Variants in GP2 observed in about 807,000 individuals in gnomAD.
GP2 encodes pancreatic secretory granule membrane major glycoprotein GP2.
Under a neutral mutation model 60.8 loss-of-function variants are expected in GP2, and 58 were observed. That is an observed-to-expected ratio of 0.95 (90% CI 0.77 to 1.19). The LOEUF (loss-of-function observed/expected upper bound fraction) is 1.19, where lower values mean the gene tolerates loss of function less well. Ranked by LOEUF, GP2 falls within the 50% of genes most tolerant of loss-of-function variation. The pLI, the probability that GP2 is intolerant of heterozygous loss-of-function variation, is 0.00. For synonymous variants in GP2, 280 were observed against 253.4 expected (o/e 1.10, Z -1.00); for missense variants, 647 against 667.4 (o/e 0.97, Z 0.34).
Position 20,322,983 on chromosome 16 carries a change from G to A in GP2, c.536-4C>T. The stretch of plus-strand genomic sequence containing the variant: ...TTGTCCTCCACAGTGGATGGGTCTA[G>A]GTGATGGGGCATGGAGAGAGAAGAT... On this transcript the variant is annotated splice_polypyrimidine_tract_variant and splice_region_variant and intron_variant, in intron 3 of 10. Coordinates refer to ENST00000302555, the MANE Select transcript of GP2 (RefSeq NM_001502.4). 1 of 1,538,368 alleles carries A rather than the reference G, an allele frequency of 6.5e-7. No homozygotes were observed. The highest frequency in any genetic ancestry group is 9.0e-7 in the Non-Finnish European group (1 of 1,111,384).
intron 4 of GP2, 59 bp downstream of exon 4, chr16:20,322,810 T>C: frequency 1.1e-6 from 1 of 918,096 alleles, no homozygotes; most frequent in East Asian, 2.4e-5. Context: ...CCTCTAAAGC[T>C]CCCTCCCTCC....
chr16:20,311,380 GGCAAA>G (rs1419537767), intron 10 of GP2, 99 bp from the exon 11 acceptor site: 1 of 764,614 alleles, frequency 1.3e-6, no homozygotes, highest in Non-Finnish European at 2.4e-6. Context: ...GGATGAGAAA[GGCAAA>G]GCATCTTTGA....
At chr16:20,324,520 C>A (rs987798392) in intron 2 of GP2, among the ~76,000 whole-genome samples, 1 of 152,196 alleles carries the variant, frequency 6.6e-6, no homozygotes, top group Non-Finnish European at 1.5e-5. Context: ...AAAGTTCTTT[C>A]CTGTGCATCA....
rs375050930 is a variant in GP2, at chr16:20,314,575, G to T, written c.1546+82C>A. 6.7e-5 allele frequency: 63 copies of T among 940,428 alleles called. No individual in the cohort carries two copies. The African/African-American group carries it at 8.7e-4, about 13-fold the overall frequency. The allele number at this position is 940,428 out of a possible 1,614,324, so 58.3% of individuals were successfully genotyped here. A position where few individuals can be genotyped will look rare whatever the true frequency, so the allele number is the denominator to read the frequency against. On this transcript the variant is annotated intron_variant, in intron 10 of 10. Transcript: ENST00000302555. The stretch of plus-strand genomic sequence containing the variant: ...TTAATGTCAGTGTCCCTAGCATAGG[G>T]TCTGGGCCATAAAAGGGGCAGAATT...
chr16:20,321,851 G>A (rs1441397265), intron 4 of GP2, among the ~76,000 whole-genome samples: 1 of 152,160 alleles, frequency 6.6e-6, no homozygotes, highest in Admixed American at 6.5e-5. Flanking sequence ...GAAGACTTGA[G>A]GCAGGCCACC....
intron 8 of GP2, 130 bp from the exon 9 acceptor site, chr16:20,316,170 G>A (rs1046222772): frequency 1.2e-5 from 7 of 579,414 alleles, no homozygotes; most frequent in Admixed American, 6.0e-5. Flanking sequence ...CCCTAATTCC[G>A]ATGCTGTGGT....
At chr16:20,324,304 C>G (rs777986110) in intron 2 of GP2, 48 bp from the exon 3 acceptor site, 2 of 1,293,388 alleles carry the variant, frequency 1.5e-6, no homozygotes, top group Admixed American at 2.0e-5. Context: ...AATGCCAGAA[C>G]CTACAGGATT....
At chr16:20,319,584 G>A in intron 6 of GP2, 36 bp downstream of exon 6, 1 of 1,530,390 alleles carries the variant, frequency 6.5e-7, no homozygotes, top group Non-Finnish European at 9.1e-7. Context: ...ACTATTGCCA[G>A]GGTTATGGGT....
chr16:20,316,765 C>T (rs1320718083), intron 8 of GP2, among the ~76,000 whole-genome samples: 2 of 151,492 alleles, frequency 1.3e-5, no homozygotes, highest in South Asian at 2.1e-4. Context: ...ATTTATTGTT[C>T]GTTTTTCCCT....
At chr16:20,322,549 G>C (rs1442521852) in intron 4 of GP2, among the ~76,000 whole-genome samples, 1 of 152,094 alleles carries the variant, frequency 6.6e-6, no homozygotes, top group African/African-American at 2.4e-5. Context: ...TGAAGACCCT[G>C]TGGCTATGAA....
In GP2 at chr16:20,322,960, G is replaced by C; in HGVS notation, c.555C>G (p.Asp185Glu). Residue 185 changes from aspartate (D) to glutamate (E), a missense_variant, in exon 4 of 11, where the codon GAC (aspartate) becomes GAG (glutamate). Coordinates refer to ENST00000302555, the MANE Select transcript of GP2 (RefSeq NM_001502.4). ...CGGGGCGGCAGGCCTTCTCACACTT[G>C]TCCTCCACAGTGGATGGGTCTAGGT... ...RYCTDPSTVE[D>E]KCEKACRPEE... The C allele has an allele frequency of 2.5e-6, 4 of 1,605,616 alleles. No homozygotes were observed. The highest frequency in any genetic ancestry group is 3.4e-6 in the Non-Finnish European group (4 of 1,172,376).
chr16:20,313,038 G>A (rs985456234), intron 10 of GP2, among the ~76,000 whole-genome samples: 1 of 152,134 alleles, frequency 6.6e-6, no homozygotes, highest in East Asian at 1.9e-4. Context: ...GGAACATAGA[G>A]AGTCCATCTT....
At chr16:20,314,762 T>C in intron 9 of GP2, 61 bp from the exon 10 acceptor site, 1 of 1,126,500 alleles carries the variant, frequency 8.9e-7, no homozygotes, top group South Asian at 1.2e-5. Flanking sequence ...TGCAACACTG[T>C]GGCCATAACT....
chr16:20,311,455 A>AT (rs1248254924), intron 10 of GP2, among the ~76,000 whole-genome samples, 174 bp from the exon 11 acceptor site: 1 of 151,980 alleles, frequency 6.6e-6, no homozygotes, highest in African/African-American at 2.4e-5. Context: ...ATCACCAACC[A>AT]TTTTTTTCAT....
At chr16:20,321,676 T>C (rs540909048) in intron 4 of GP2, among the ~76,000 whole-genome samples, 1 of 151,986 alleles carries the variant, frequency 6.6e-6, no homozygotes, top group African/African-American at 2.4e-5. Context: ...GGAGATGGGA[T>C]AGAGGGAATG....
At chr16:20,322,837 G>T in intron 4 of GP2, 32 bp downstream of exon 4, 2 of 1,185,014 alleles carry the variant, frequency 1.7e-6, no homozygotes, top group Non-Finnish European at 2.5e-6. Flanking sequence ...GCCCCCTCAG[G>T]ATGGTAGTTA....
intron 10 of GP2, among the ~76,000 whole-genome samples, chr16:20,314,129 A>G (rs2141593054): frequency 6.6e-6 from 1 of 151,980 alleles, no homozygotes; most frequent in Non-Finnish European, 1.5e-5. Context: ...TGCATGCGGG[A>G]CTTAAAACCT....
rs142225598 is a variant in GP2 at position 20,314,141 on chromosome 16, G to C, written c.1546+516C>G. On this transcript the variant is annotated intron_variant, in intron 10 of 10. Transcript: ENST00000302555. ...TAATGCATGCGGGACTTAAAACCTA[G>C]ATGACAGGTTGGTGGGTGCAGCAAA... is the stretch of plus-strand genomic sequence containing the variant. Among the ~76,000 whole-genome samples the C allele has an allele frequency of 1.9e-3, 282 of 151,758 alleles. 1 individual carries two copies. Among genetic ancestry groups the C allele is most frequent in the African/African-American group, 6.5e-3 (268 of 41,368 alleles).
intron 2 of GP2, among the ~76,000 whole-genome samples, chr16:20,324,794 A>G (rs1033608324): frequency 2.0e-5 from 3 of 152,364 alleles, no homozygotes; most frequent in African/African-American, 7.2e-5. Context: ...TTTTTACTTA[A>G]TATAACATAG....
Sources: gnomAD v4.1 joint callset for allele counts (sites outside exome capture counted in the v4.1 genomes callset) on GRCh38, gnomAD v4.1.1 for gene constraint, MANE v1.5 for transcripts, NCBI Gene and HGNC (gene_info 2026-07-23, HGNC 2026-07-21) for gene names.